The following ROBO2 variants were observed in gnomAD, a reference collection of about 807,000 sequenced individuals.
ROBO2 encodes the protein roundabout guidance receptor 2.
ROBO2 carries 53 observed loss-of-function variants against 160.8 expected under a neutral mutation model. The observed-to-expected ratio is 0.33, with a 90% CI of 0.26 to 0.41. The LOEUF (loss-of-function observed/expected upper bound fraction) is 0.41. Among genes scored for constraint, ROBO2 ranks in the 10% least tolerant of loss-of-function variants. The pLI, the probability that ROBO2 is intolerant of heterozygous loss-of-function variation, is 1.00. For synonymous variants in ROBO2, 664 were observed against 611.7 expected, an observed-to-expected ratio of 1.09 and a Z score of -1.26; for missense variants, 1,577 against 1,722.4, an observed-to-expected ratio of 0.92 and a Z score of 1.49.
intron 2 of ROBO2, among the ~76,000 whole-genome samples, chr3:76,348,246 A>G (rs2074654384): frequency 6.6e-6 from 1 of 152,142 alleles, no homozygotes. Flanking sequence ...CTGGGGAAGA[A>G]CAAAGATTGG....
At chr3:76,457,246 A>G (rs2077811167) in intron 2 of ROBO2, among the ~76,000 whole-genome samples, 1 of 152,116 alleles carries the variant, frequency 6.6e-6, no homozygotes, top group Non-Finnish European at 1.5e-5. Flanking sequence ...AAGTTACTTA[A>G]ACAATGGAGG....
intron 2 of ROBO2, among the ~76,000 whole-genome samples, chr3:76,016,299 C>G (rs2066402624): frequency 6.6e-6 from 1 of 151,798 alleles, no homozygotes; most frequent in South Asian, 2.1e-4. Flanking sequence ...GTAAAAAATT[C>G]TGGAGAAGTG....
intron 2 of ROBO2, among the ~76,000 whole-genome samples, chr3:76,591,833 G>A (rs1560200439): frequency 6.6e-6 from 1 of 151,850 alleles, no homozygotes; most frequent in Non-Finnish European, 1.5e-5. Context: ...TACACATTGG[G>A]GCTCTCTGTG....
intron 2 of ROBO2, among the ~76,000 whole-genome samples, chr3:77,253,456 C>T (rs1313631733): frequency 6.6e-6 from 1 of 152,134 alleles, no homozygotes; most frequent in Non-Finnish European, 1.5e-5. Context: ...ACTAAAAGCT[C>T]TATTCCAAAA....
At chr3:77,091,073 A>C (rs1191962430) in intron 1 of ROBO2, among the ~76,000 whole-genome samples, 1 of 152,214 alleles carries the variant, frequency 6.6e-6, no homozygotes, top group Non-Finnish European at 1.5e-5. Context: ...AATTTAGAAC[A>C]GCTTGAAATA....
chr3:76,226,871 G>A (rs1704319925), intron 2 of ROBO2, among the ~76,000 whole-genome samples: 1 of 152,192 alleles, frequency 6.6e-6, no homozygotes, highest in Non-Finnish European at 1.5e-5. Flanking sequence ...AAATGAGAAG[G>A]TGATCTGTTA....
intron 2 of ROBO2, among the ~76,000 whole-genome samples, chr3:77,234,198 C>T (rs757065071): frequency 6.6e-6 from 1 of 152,142 alleles, no homozygotes; most frequent in East Asian, 1.9e-4. Flanking sequence ...TCAAAATTCA[C>T]AGAAGAGCAA....
At chr3:76,194,502 T>C (rs2107204427) in intron 2 of ROBO2, among the ~76,000 whole-genome samples, 1 of 151,608 alleles carries the variant, frequency 6.6e-6, no homozygotes, top group Non-Finnish European at 1.5e-5. Context: ...CTTATTGCTG[T>C]CTGCATAGTC....
chr3:76,428,197 T>A (rs1378251363), intron 2 of ROBO2, among the ~76,000 whole-genome samples: 1 of 152,118 alleles, frequency 6.6e-6, no homozygotes, highest in Non-Finnish European at 1.5e-5. Context: ...CATACCTGAT[T>A]TCGAGTCTTC....
chr3:77,208,442 A>T (rs2083696107), intron 2 of ROBO2, among the ~76,000 whole-genome samples: 1 of 152,150 alleles, frequency 6.6e-6, no homozygotes, highest in Admixed American at 6.5e-5. Flanking sequence ...ACCAATAGAT[A>T]CAGTTACACA....
At chr3:76,466,351 C>G (rs773187875) in intron 2 of ROBO2, among the ~76,000 whole-genome samples, 33 of 151,908 alleles carry the variant, frequency 2.2e-4, no homozygotes, top group Non-Finnish European at 4.6e-4. Flanking sequence ...GCCTTGGGAT[C>G]ACCTACGTCG....
intron 2 of ROBO2, among the ~76,000 whole-genome samples, chr3:77,248,166 G>C (rs1341930255): frequency 6.6e-6 from 1 of 152,078 alleles, no homozygotes; most frequent in Non-Finnish European, 1.5e-5. Context: ...GGGATGGCCC[G>C]ACTCTAGAGG....
At chr3:76,153,464 G>A (rs973681627) in intron 2 of ROBO2, among the ~76,000 whole-genome samples, 1 of 152,148 alleles carries the variant, frequency 6.6e-6, no homozygotes, top group Admixed American at 6.6e-5. Context: ...TGTATTGGTG[G>A]TTTTGTTTTG....
chr3:76,655,454 A>ATATATATATATATATATATATATATATG (rs1388845500), intron 2 of ROBO2, among the ~76,000 whole-genome samples: 3 of 138,126 alleles, frequency 2.2e-5, no homozygotes, highest in Non-Finnish European at 4.7e-5. Flanking sequence ...ATATATATAT[A>ATATATATATATATATATATATATATATG]TGGATTTTTT....
At chr3:76,632,271 G>A (rs532144810) in intron 2 of ROBO2, among the ~76,000 whole-genome samples, 3 of 152,292 alleles carry the variant, frequency 2.0e-5, no homozygotes, top group Admixed American at 1.3e-4. Context: ...AGTTTTCACT[G>A]AGCACTTGGC....
intron 2 of ROBO2, among the ~76,000 whole-genome samples, chr3:76,656,120 G>A (rs868704987): frequency 1.3e-5 from 2 of 152,162 alleles, no homozygotes; most frequent in Non-Finnish European, 1.5e-5. Flanking sequence ...CTAGAAAAAT[G>A]TATATAATAA....
intron 2 of ROBO2, among the ~76,000 whole-genome samples, chr3:77,009,351 T>A (rs984348293): frequency 3.9e-5 from 6 of 152,196 alleles, no homozygotes; most frequent in Non-Finnish European, 8.8e-5. Context: ...CTTACCATAA[T>A]TTAAATTTAG....
At chr3:76,025,853 C>T (rs570777306) in intron 2 of ROBO2, among the ~76,000 whole-genome samples, 38 of 151,890 alleles carry the variant, frequency 2.5e-4, no homozygotes, top group African/African-American at 8.2e-4. Context: ...TGATCTCTGC[C>T]ACTTCAGTGG....
intron 6 of ROBO2, among the ~76,000 whole-genome samples, chr3:77,523,604 T>C (rs2090835109): frequency 1.3e-5 from 2 of 151,350 alleles, no homozygotes; most frequent in Non-Finnish European, 3.0e-5. Flanking sequence ...TGCACTAGAA[T>C]AAATTAACTG....
Sources: allele counts gnomAD v4.1 joint callset (sites outside exome capture counted in the v4.1 genomes callset), GRCh38; gene constraint gnomAD v4.1.1; transcripts MANE v1.5; gene names NCBI Gene and HGNC (gene_info 2026-07-23, HGNC 2026-07-21).